The following TANC2 variants were observed in gnomAD, a reference collection of about 807,000 sequenced individuals.
The protein encoded by TANC2 is tetratricopeptide repeat, ankyrin repeat and coiled-coil containing 2.
A neutral mutation model predicts 210.5 loss-of-function variants in TANC2; 26 were observed. The observed-to-expected ratio is 0.12, with a 90% CI of 0.09 to 0.17. The LOEUF (loss-of-function observed/expected upper bound fraction) is 0.17. Among genes scored for constraint, TANC2 ranks in the 10% least tolerant of loss-of-function variants. The probability of loss-of-function intolerance (pLI) is 1.00; values close to 1 mark genes in which losing one functional copy is unlikely to be tolerated. For synonymous variants in TANC2, 931 were observed against 967.1 expected, an observed-to-expected ratio of 0.96 and a Z score of 0.69; for missense variants, 2,129 against 2,608.9, an observed-to-expected ratio of 0.82 and a Z score of 4.01.
chr17:63,219,871 A>G (rs1466084750), intron 7 of TANC2, among the ~76,000 whole-genome samples: 1 of 152,248 alleles, frequency 6.6e-6, no homozygotes, highest in Non-Finnish European at 1.5e-5. Flanking sequence ...GAGTTAGATT[A>G]GCCAGAACAA....
intron 5 of TANC2, among the ~76,000 whole-genome samples, chr17:63,185,193 GT>G (rs1250196629): frequency 6.6e-6 from 1 of 151,632 alleles, no homozygotes; most frequent in Non-Finnish European, 1.5e-5. Context: ...TGGAGCTAGG[GT>G]TTTGCCGTGT....
chr17:63,131,485 T>C (rs183638595), intron 4 of TANC2, among the ~76,000 whole-genome samples: 3 of 152,152 alleles, frequency 2.0e-5, no homozygotes, highest in Non-Finnish European at 2.9e-5. Context: ...AACATGTATT[T>C]CTTACCAAAT....
intron 2 of TANC2, among the ~76,000 whole-genome samples, chr17:63,036,638 A>G (rs890373592): frequency 6.6e-6 from 1 of 152,162 alleles, no homozygotes; most frequent in African/African-American, 2.4e-5. Flanking sequence ...GTCTATCTAT[A>G]AAAAGATCCT....
Position 63,418,594 on chromosome 17 carries a change from G to A in TANC2, c.4268+187G>A, listed in dbSNP as rs934029540. On this transcript the variant is annotated intron_variant, in intron 27 of 27. Transcript: ENST00000689528. The surrounding 1 kb of genome is among the most constrained non-coding windows in gnomAD (Gnocchi z 4.6). ...TCAAGATCAGCAAATCTGCTGGGCT[G>A]TGGAGGCCACGAATGTTTCACTTCG... Among the ~76,000 whole-genome samples the A allele has an allele frequency of 2.0e-5, 3 of 152,234 alleles. No individual in the cohort carries two copies. The highest frequency in any genetic ancestry group is 1.3e-4 in the Admixed American group (2 of 15,288).
chr17:63,392,111 G>C (rs73327730), intron 17 of TANC2, among the ~76,000 whole-genome samples: 3,197 of 152,162 alleles, frequency 0.021, 103 homozygotes, highest in African/African-American at 0.072. Context: ...GAGATCCTCT[G>C]GTCTTCCTTC....
At chr17:63,318,163 T>C (rs1227813063) in intron 10 of TANC2, among the ~76,000 whole-genome samples, 1 of 152,240 alleles carries the variant, frequency 6.6e-6, no homozygotes, top group Admixed American at 6.5e-5. Flanking sequence ...TTCTTCCTTC[T>C]TTTCAATCAC....
chr17:63,062,914 T>G (rs1464481515), intron 2 of TANC2, among the ~76,000 whole-genome samples: 1 of 152,186 alleles, frequency 6.6e-6, no homozygotes, highest in Non-Finnish European at 1.5e-5. Flanking sequence ...TCAATTCAAT[T>G]CTGGCTACTT....
intron 9 of TANC2, among the ~76,000 whole-genome samples, chr17:63,288,297 T>C (rs1007841705): frequency 2.0e-5 from 3 of 152,226 alleles, no homozygotes; most frequent in African/African-American, 7.2e-5. Context: ...TTCTCTCTCT[T>C]TGCATTGTTT....
intron 14 of TANC2, among the ~76,000 whole-genome samples, chr17:63,378,011 C>T (rs1261413366): frequency 6.6e-6 from 1 of 152,132 alleles, no homozygotes; most frequent in Non-Finnish European, 1.5e-5. Flanking sequence ...AGTTACCTCC[C>T]ACCAAGTCCC....
At chr17:63,086,408 A>C (rs2036966130) in intron 3 of TANC2, among the ~76,000 whole-genome samples, 3 of 151,716 alleles carry the variant, frequency 2.0e-5, no homozygotes, top group Admixed American at 6.6e-5. Context: ...TTTGCTTTTC[A>C]GTTTTGAATG....
At chr17:63,225,462 C>T (rs924305387) in intron 7 of TANC2, among the ~76,000 whole-genome samples, 4 of 152,178 alleles carry the variant, frequency 2.6e-5, no homozygotes, top group African/African-American at 7.2e-5. Flanking sequence ...TGACATCTGA[C>T]TCTCTATTCT....
At chr17:63,165,218 G>A (rs574226924) in intron 5 of TANC2, among the ~76,000 whole-genome samples, 51 of 152,154 alleles carry the variant, frequency 3.4e-4, no homozygotes, top group African/African-American at 1.2e-3. Flanking sequence ...GGGCTGCAGT[G>A]AGCTATGGTA....
At chr17:63,136,730 A>G (rs969126686) in intron 4 of TANC2, among the ~76,000 whole-genome samples, 3 of 152,212 alleles carry the variant, frequency 2.0e-5, no homozygotes, top group African/African-American at 7.2e-5. Flanking sequence ...AACTGTTTTC[A>G]GACATTGGAT....
At chr17:63,138,612 C>T (rs1339997652) in intron 4 of TANC2, among the ~76,000 whole-genome samples, 1 of 152,128 alleles carries the variant, frequency 6.6e-6, no homozygotes, top group Non-Finnish European at 1.5e-5. Flanking sequence ...AAATGAAATA[C>T]GTCTCTTCAC....
intron 1 of TANC2, among the ~76,000 whole-genome samples, chr17:62,993,597 T>C (rs1040116579): frequency 5.9e-5 from 9 of 152,172 alleles, no homozygotes; most frequent in Non-Finnish European, 1.0e-4. Flanking sequence ...TTTTATTTCA[T>C]TTTTGGATTG....
chr17:63,182,384 G>A (rs909760158), intron 5 of TANC2: 8 of 234,564 alleles, frequency 3.4e-5, no homozygotes, highest in Non-Finnish European at 7.0e-5. Context: ...AAATATGGCA[G>A]AGAAATTAAA....
chr17:63,125,101 GT>G (rs1260350050), intron 4 of TANC2: 1 of 152,170 alleles, frequency 6.6e-6, no homozygotes, highest in Non-Finnish European at 1.5e-5. Context: ...GCAGTTAACT[GT>G]TTTACCTTAA....
chr17:63,355,400 A>T lies in TANC2; in HGVS notation c.2582+10A>T. 1 of 1,543,760 alleles carries T rather than the reference A, an allele frequency of 6.5e-7. No individual in the cohort carries two copies. Among genetic ancestry groups the T allele is most frequent in the Non-Finnish European group, 8.7e-7 (1 of 1,153,182 alleles). On this transcript the variant is annotated intron_variant, in intron 14 of 27. Coordinates refer to ENST00000689528, the Ensembl canonical transcript of TANC2. ...TTCTCTGTGATCCGAGGTAAGACATATATCTGTGATAAACAATTCTGAGTC... is the reference window on the plus strand; with the variant it reads ...TTCTCTGTGATCCGAGGTAAGACATTTATCTGTGATAAACAATTCTGAGTC...
At chr17:63,111,436 T>C (rs1244693152) in intron 4 of TANC2, among the ~76,000 whole-genome samples, 1 of 152,230 alleles carries the variant, frequency 6.6e-6, no homozygotes, top group Non-Finnish European at 1.5e-5. Flanking sequence ...AGCAGATCTG[T>C]CCTGTCCTTG....
Sources: allele counts gnomAD v4.1 joint callset (sites outside exome capture counted in the v4.1 genomes callset), GRCh38; gene constraint gnomAD v4.1.1; non-coding constraint Gnocchi (gnomAD v3.1); transcripts MANE v1.5; gene names NCBI Gene and HGNC (gene_info 2026-07-23, HGNC 2026-07-21).